Variants in MAPT observed in about 807,000 individuals in gnomAD.
MAPT encodes microtubule-associated protein tau.
Under a neutral mutation model 67.9 loss-of-function variants are expected in MAPT, and 34 were observed. The observed-to-expected ratio is 0.50, with a 90% CI of 0.38 to 0.67. MAPT has a LOEUF of 0.67. Among genes scored for constraint, MAPT ranks in the 30% least tolerant of loss-of-function variants. MAPT has a pLI of 0.00. For synonymous variants in MAPT, 456 were observed against 464.5 expected (o/e 0.98, Z 0.23); for missense variants, 881 against 1,115.2 (o/e 0.79, Z 2.99).
chr17:46,005,342 A>G (rs2145947709), intron 9 of MAPT, among the ~76,000 whole-genome samples: 1 of 152,282 alleles, frequency 6.6e-6, no homozygotes, highest in South Asian at 2.1e-4. Context: ...CCCTTCTTCT[A>G]ATGTTACTCT....
intron 9 of MAPT, chr17:45,999,551 G>T: frequency 1.2e-6 from 2 of 1,613,300 alleles, no homozygotes; most frequent in Non-Finnish European, 1.7e-6. Flanking sequence ...GCTGAGCAGG[G>T]AAGACAACTT....
At chr17:45,972,252 C>G (rs2071777885) in intron 3 of MAPT, among the ~76,000 whole-genome samples, 1 of 152,232 alleles carries the variant, frequency 6.6e-6, no homozygotes, top group Non-Finnish European at 1.5e-5. Flanking sequence ...GCCCCCTCCT[C>G]TCTCTTTCTT....
chr17:45,997,323 G>A (rs1260781923), intron 9 of MAPT, among the ~76,000 whole-genome samples: 1 of 152,164 alleles, frequency 6.6e-6, no homozygotes, highest in African/African-American at 2.4e-5. Context: ...ACAGCAGTAT[G>A]CCTCCTCACT....
intron 1 of MAPT, among the ~76,000 whole-genome samples, chr17:45,941,394 G>A (rs991680470): frequency 1.3e-5 from 2 of 152,060 alleles, no homozygotes; most frequent in Non-Finnish European, 2.9e-5. Flanking sequence ...TGGGTGTGGA[G>A]GGCGTAGCAC....
At chr17:45,993,566 A>C (rs2074239401) in intron 8 of MAPT, among the ~76,000 whole-genome samples, 1 of 152,178 alleles carries the variant, frequency 6.6e-6, no homozygotes, top group Non-Finnish European at 1.5e-5. Context: ...GGCACAGGCC[A>C]CCACGCCCTG....
intron 8 of MAPT, among the ~76,000 whole-genome samples, chr17:45,992,010 G>T (rs62063801): frequency 0.15 from 22,038 of 151,714 alleles, 2,143 homozygotes; most frequent in Non-Finnish European, 0.22. Flanking sequence ...GGTCTCGAAC[G>T]CCTGACCTCA....
chr17:45,962,489 A>G lies in MAPT; in HGVS notation c.133+19A>G, dbSNP rs2303867. On this transcript the variant is annotated intron_variant, in intron 2 of 12. Transcript: ENST00000262410. ...CTGAAAGGTTAGTGGACAGCCATGCACAGCAGGCCCAGATCACTGCAAGCC... is the reference window on the plus strand; with the variant it reads ...CTGAAAGGTTAGTGGACAGCCATGCGCAGCAGGCCCAGATCACTGCAAGCC... The G allele has an allele frequency of 1.9e-5, 31 of 1,612,186 alleles. No individual in the cohort carries two copies. The highest frequency in any genetic ancestry group is 1.8e-4 in the East Asian group (8 of 44,864).
chr17:45,951,891 A>G (rs148574933), intron 1 of MAPT, among the ~76,000 whole-genome samples: 2 of 152,268 alleles, frequency 1.3e-5, no homozygotes, highest in East Asian at 3.9e-4. Context: ...TGAGGAAAGG[A>G]GAAAGGAAGA....
rs1254441834 is a variant in MAPT, at chr17:45,906,495, C to T, written c.-18+11809C>T. ...TGGTGTCAAAGGCACGGGGCAGGCG[C>T]GTTAATTGAACTGCTTGCACCTGGC... On this transcript the variant is annotated intron_variant, in intron 1 of 12. Coordinates refer to ENST00000262410, the MANE Select transcript of MAPT (RefSeq NM_001377265.1). This position sits in a 1 kb window ranked among gnomAD's most constrained non-coding sequence, Gnocchi z 4.3. Among the ~76,000 whole-genome samples the T allele has an allele frequency of 3.9e-5, 6 of 152,118 alleles. No homozygotes were observed. The highest frequency in any genetic ancestry group is 1.2e-4 in the African/African-American group (5 of 41,422).
At chr17:45,979,866 G>T (rs1289422265) in intron 4 of MAPT, 2 of 152,146 alleles carry the variant, frequency 1.3e-5, no homozygotes, top group Admixed American at 1.3e-4. Context: ...CACCGTCTTT[G>T]CTGGGAACTT....
rs1271604792 is a variant in MAPT, at chr17:45,995,478, C to T, written c.1733-921C>T. Among the ~76,000 whole-genome samples, 1 of 152,150 alleles carries T rather than the reference C, an allele frequency of 6.6e-6. No individual in the cohort carries two copies. The highest frequency in any genetic ancestry group is 1.5e-5 in the Non-Finnish European group (1 of 68,032). ...CTGACGCAGGGTTCCGTGGGCCACACTTTGGAAAATACAGACCCATGAGAT... is the reference window on the plus strand; with the variant it reads ...CTGACGCAGGGTTCCGTGGGCCACATTTTGGAAAATACAGACCCATGAGAT... On this transcript the variant is annotated intron_variant, in intron 8 of 12. Coordinates refer to ENST00000262410, the MANE Select transcript of MAPT (RefSeq NM_001377265.1). The surrounding 1 kb of genome is among the most constrained non-coding windows in gnomAD (Gnocchi z 4.3).
chr17:45,909,144 C>T (rs1051215672), intron 1 of MAPT, among the ~76,000 whole-genome samples: 1 of 152,076 alleles, frequency 6.6e-6, no homozygotes, highest in Non-Finnish European at 1.5e-5. Context: ...ATCTCTCTGT[C>T]GCCATTGGGC....
At chr17:45,935,297 T>G (rs2067222520) in intron 1 of MAPT, among the ~76,000 whole-genome samples, 1 of 151,824 alleles carries the variant, frequency 6.6e-6, no homozygotes, top group African/African-American at 2.4e-5. Flanking sequence ...CCCCCTAATT[T>G]CTCTCACAAG....
intron 6 of MAPT, among the ~76,000 whole-genome samples, chr17:45,989,665 A>G (rs2073903043): frequency 6.6e-6 from 1 of 152,194 alleles, no homozygotes; most frequent in African/African-American, 2.4e-5. Flanking sequence ...AAGAAAAAGA[A>G]AAAGAAAAAG....
chr17:46,008,750 G>T (rs2075621529), intron 9 of MAPT, among the ~76,000 whole-genome samples: 1 of 152,158 alleles, frequency 6.6e-6, no homozygotes, highest in Non-Finnish European at 1.5e-5. Flanking sequence ...AGCCCAGGCT[G>T]ATGGGGCCTC....
chr17:45,904,199 A>G (rs1265186639), intron 1 of MAPT, among the ~76,000 whole-genome samples: 3 of 42,932 alleles, frequency 7.0e-5, no homozygotes, highest in Non-Finnish European at 8.4e-5. Flanking sequence ...TATATATTAT[A>G]TATCTAATAT....
At chr17:45,970,043 T>TCCAC (rs1429878862) in intron 2 of MAPT, among the ~76,000 whole-genome samples, 1 of 147,804 alleles carries the variant, frequency 6.8e-6, no homozygotes, top group Non-Finnish European at 1.5e-5. Flanking sequence ...CATTCATCTA[T>TCCAC]CCACCCATCC....
chr17:45,983,042 C>G lies in MAPT; in HGVS notation c.463C>G (p.Arg155Gly). Residue 155 changes from arginine (R) to glycine (G), a missense_variant, in exon 5 of 13, where the codon CGT (arginine) becomes GGT (glycine). This residue lies in a region of MAPT where 687 missense variants were observed against 766.1 expected (regional missense o/e 0.90). Transcript: ENST00000262410. Reference sequence around the variant, plus strand: ...GCTGACCGCGAGCCTTCCTCAGCACCGTCCCGTTTGCCCAGCGCCTCCTCC... The same window carrying G: ...GCTGACCGCGAGCCTTCCTCAGCACGGTCCCGTTTGCCCAGCGCCTCCTCC... ...VPLTASLPQH[R>G]PVCPAPPPTG... 1 of 1,512,266 alleles carries G rather than the reference C, an allele frequency of 6.6e-7. No individual in the cohort carries two copies. Among genetic ancestry groups the G allele is most frequent in the Non-Finnish European group, 8.9e-7 (1 of 1,126,940 alleles). 93.7% of individuals were successfully genotyped at this position (1,512,266 alleles called of 1,614,324 possible).
At chr17:46,023,668 C>T (rs1339901930) in intron 12 of MAPT, among the ~76,000 whole-genome samples, 3 of 152,146 alleles carry the variant, frequency 2.0e-5, no homozygotes, top group Non-Finnish European at 2.9e-5. Flanking sequence ...AGCAAAACCC[C>T]GTTTCTATTA....
Sources: allele counts gnomAD v4.1 joint callset (sites outside exome capture counted in the v4.1 genomes callset), GRCh38; gene constraint gnomAD v4.1.1; regional missense constraint gnomAD v4.1.1; non-coding constraint Gnocchi (gnomAD v3.1); transcripts MANE v1.5; gene names NCBI Gene and HGNC (gene_info 2026-07-23, HGNC 2026-07-21).